LRRFIP2: variants seen among roughly 807,000 people sequenced by gnomAD.
LRRFIP2 encodes the protein LRR binding FLII interacting protein 2.
In LRRFIP2, 109 loss-of-function variants were observed where a neutral mutation model predicts 125.9. The observed-to-expected ratio is 0.87, with a 90% CI of 0.74 to 1.01. The LOEUF (loss-of-function observed/expected upper bound fraction) is 1.01, where lower values mean the gene tolerates loss of function less well. Ranked by LOEUF, LRRFIP2 falls within the 50% of genes least tolerant of loss-of-function variation. The pLI is 0.00. For synonymous variants in LRRFIP2, 291 were observed against 293.1 expected (o/e 0.99, Z 0.07); for missense variants, 850 against 862.3 (o/e 0.99, Z 0.18).
chr3:37,143,630 C>T (rs1053624527), intron 2 of LRRFIP2: 1 of 185,926 alleles, frequency 5.4e-6, no homozygotes, highest in Non-Finnish European at 1.2e-5. Flanking sequence ...ATAATTTAAT[C>T]TCCAAATAAC....
At chr3:37,128,723 A>G (rs2095351196) in intron 3 of LRRFIP2, among the ~76,000 whole-genome samples, 1 of 152,194 alleles carries the variant, frequency 6.6e-6, no homozygotes. Flanking sequence ...GTGTTTTACT[A>G]TATAGATATC....
At chr3:37,121,719 T>C (rs1415242184) in intron 4 of LRRFIP2, 28 bp from the exon 5 acceptor site, 1 of 1,606,630 alleles carries the variant, frequency 6.2e-7, no homozygotes, top group East Asian at 2.2e-5. Flanking sequence ...ACATGGAGAG[T>C]TAATCACTGA....
intron 2 of LRRFIP2, among the ~76,000 whole-genome samples, chr3:37,145,544 G>A (rs2095837495): frequency 6.6e-6 from 1 of 152,118 alleles, no homozygotes; most frequent in South Asian, 2.1e-4. Context: ...CCTGGAACAT[G>A]AACAATGACT....
At chr3:37,083,506 T>C (rs1362395203) in intron 19 of LRRFIP2, 130 bp downstream of exon 19, 3 of 576,000 alleles carry the variant, frequency 5.2e-6, no homozygotes, top group South Asian at 3.4e-5. Context: ...TGGTGTTCTG[T>C]CAATTTCCTT....
At chr3:37,062,597 C>G (rs1029505390) in intron 24 of LRRFIP2, among the ~76,000 whole-genome samples, 1 of 152,084 alleles carries the variant, frequency 6.6e-6, no homozygotes. Context: ...AAAAATAGAT[C>G]ACAAATCAGA....
rs2096219964 is a variant in LRRFIP2, at chr3:37,157,002, G to A, written c.-55-7964C>T. Among the ~76,000 whole-genome samples the A allele has an allele frequency of 5.3e-5, 8 of 152,110 alleles. No homozygotes were observed. The South Asian group carries it at 1.5e-3, about 28-fold the overall frequency. The stretch of plus-strand genomic sequence containing the variant: ...AAATTAGCTGGGCGTGGTGGCACAT[G>A]CCTGTAATCCCAGCTACTTGGGAGG... On this transcript the variant is annotated intron_variant, in intron 1 of 27. Coordinates refer to ENST00000336686, the MANE Select transcript of LRRFIP2 (RefSeq NM_006309.4).
chr3:37,079,325 G>A (rs569194183), intron 19 of LRRFIP2, among the ~76,000 whole-genome samples: 4 of 152,338 alleles, frequency 2.6e-5, no homozygotes, highest in African/African-American at 9.6e-5. Flanking sequence ...TACATTGCTG[G>A]TGTGAGAATA....
intron 15 of LRRFIP2, among the ~76,000 whole-genome samples, chr3:37,101,592 G>A (rs574055553): frequency 3.1e-4 from 46 of 150,610 alleles, no homozygotes; most frequent in African/African-American, 1.1e-3. Flanking sequence ...TTGAGCCCAG[G>A]AGGTTGAAGT....
Position 37,065,861 on chromosome 3 carries a change from C to A in LRRFIP2, c.1648G>T (p.Val550Leu), listed in dbSNP as rs1575927048. The change falls in exon 23 of 28, where the codon GTG (valine) becomes TTG (leucine). Residue 550 changes from valine to leucine, a missense_variant. Transcript: ENST00000336686. ...AAGACCTGAGCAGCTTCCTGAGACA[C>A]AACAGTGATGGCTCCAGCCACTGGT... The part of the protein sequence containing the change: ...HEPVAGAITV[V>L]SQEAAQVLES... 2 of 1,614,184 alleles carry A rather than the reference C, an allele frequency of 1.2e-6. No homozygotes were observed. The highest frequency in any genetic ancestry group is 1.7e-6 in the Non-Finnish European group (2 of 1,179,994).
intron 1 of LRRFIP2, among the ~76,000 whole-genome samples, chr3:37,152,022 T>C (rs2096046058): frequency 1.3e-5 from 2 of 152,124 alleles, no homozygotes; most frequent in South Asian, 2.1e-4. Flanking sequence ...CACACACGTT[T>C]ATAGCAAAAC....
chr3:37,159,185 C>T (rs1269070191), intron 1 of LRRFIP2, among the ~76,000 whole-genome samples: 1 of 152,158 alleles, frequency 6.6e-6, no homozygotes, highest in East Asian at 1.9e-4. Flanking sequence ...AGGGATCCAA[C>T]TTCACACTTT....
At chr3:37,054,129 G>A (rs932266397) in intron 27 of LRRFIP2, among the ~76,000 whole-genome samples, 168 bp from the exon 28 acceptor site, 1 of 152,152 alleles carries the variant, frequency 6.6e-6, no homozygotes, top group African/African-American at 2.4e-5. Flanking sequence ...ATGATACTGA[G>A]GATTGTTTAT....
intron 6 of LRRFIP2, among the ~76,000 whole-genome samples, chr3:37,115,853 A>G (rs1346806666): frequency 6.6e-6 from 1 of 152,226 alleles, no homozygotes; most frequent in Admixed American, 6.5e-5. Context: ...TAGTAACTAC[A>G]TAGATTTATG....
intron 2 of LRRFIP2, among the ~76,000 whole-genome samples, chr3:37,141,061 G>A (rs1160875717): frequency 6.6e-6 from 1 of 152,114 alleles, no homozygotes; most frequent in African/African-American, 2.4e-5. Flanking sequence ...GTACATGCCT[G>A]TAGTCCCAAA....
At chr3:37,068,851 C>CA (rs2090646218) in intron 21 of LRRFIP2, 1 of 152,192 alleles carries the variant, frequency 6.6e-6, no homozygotes, top group Non-Finnish European at 1.5e-5. Context: ...TAGAGATACG[C>CA]AAGTTCTTCA....
Position 37,094,904 on chromosome 3 carries a change from G to C in LRRFIP2, c.923C>G (p.Ser308Ter), listed in dbSNP as rs1480721104. ...KQYAENYTRP[S>*]SRNSASATTP... ...TGTTGCTGAGGCAGAATTTCGAGAT[G>C]AAGGCTAGAAAGAGAAATATGACCC... The change falls in exon 17 of 28, where the codon TCA becomes TGA. Residue 308 changes from serine to a stop codon, truncating the protein, a stop_gained. Coordinates refer to ENST00000336686, the MANE Select transcript of LRRFIP2 (RefSeq NM_006309.4). LOFTEE classifies it high-confidence loss of function. 6.3e-7 allele frequency: 1 copy of C among 1,589,116 alleles called. No individual in the cohort carries two copies. Among genetic ancestry groups the C allele is most frequent in the Admixed American group, 1.7e-5 (1 of 59,970 alleles).
At chr3:37,173,470 G>A (rs145283757) in intron 1 of LRRFIP2, among the ~76,000 whole-genome samples, 1 of 152,248 alleles carries the variant, frequency 6.6e-6, no homozygotes, top group African/African-American at 2.4e-5. Context: ...TTTAAATGAT[G>A]ATCACAGATT....
At chr3:37,112,323 A>G (rs2094576943) in intron 8 of LRRFIP2, among the ~76,000 whole-genome samples, 1 of 149,786 alleles carries the variant, frequency 6.7e-6, no homozygotes, top group South Asian at 2.1e-4. Context: ...AGACAGAGCG[A>G]GACTCCATCT....
chr3:37,156,421 C>T (rs1018000200), intron 1 of LRRFIP2, among the ~76,000 whole-genome samples: 8 of 151,250 alleles, frequency 5.3e-5, no homozygotes, highest in Non-Finnish European at 7.4e-5. Context: ...TGCCTGTAAT[C>T]CCAGCACTTT....
Sources: gnomAD v4.1 joint callset for allele counts (sites outside exome capture counted in the v4.1 genomes callset) on GRCh38, gnomAD v4.1.1 for gene constraint, MANE v1.5 for transcripts, NCBI Gene and HGNC (gene_info 2026-07-23, HGNC 2026-07-21) for gene names.